The following MCC variants were observed in gnomAD, a reference collection of about 807,000 sequenced individuals.
The protein encoded by MCC is MCC regulator of Wnt signaling pathway, also known as colorectal mutant cancer protein.
In MCC, 90 loss-of-function variants were observed where a neutral mutation model predicts 116.2. The observed-to-expected ratio is 0.77, with a 90% CI of 0.65 to 0.92. The LOEUF is 0.92. MCC is among the 40% of genes least tolerant of loss of function. MCC has a pLI of 0.00. For synonymous variants in MCC, 578 were observed against 510.5 expected (o/e 1.13, Z -1.78); for missense variants, 1,516 against 1,312.2 (o/e 1.16, Z -2.40).
At chr5:113,301,740 G>T (rs1766867447) in intron 3 of MCC, among the ~76,000 whole-genome samples, 1 of 152,120 alleles carries the variant, frequency 6.6e-6, no homozygotes, top group Admixed American at 6.5e-5. Flanking sequence ...AAAAGCCTAG[G>T]GAAACAGGGC....
intron 6 of MCC, among the ~76,000 whole-genome samples, chr5:113,119,664 G>A (rs945298985): frequency 1.3e-5 from 2 of 151,890 alleles, no homozygotes; most frequent in African/African-American, 4.8e-5. Context: ...TTCATCCCCA[G>A]TACCTAGCAC....
chr5:113,182,056 G>A (rs1179778554), intron 3 of MCC, among the ~76,000 whole-genome samples: 1 of 152,180 alleles, frequency 6.6e-6, no homozygotes, highest in African/African-American at 2.4e-5. Flanking sequence ...GGTGGGTTTA[G>A]CTGGAAGCAT....
At chr5:113,448,256 C>T (rs1014771473) in intron 1 of MCC, 2 of 152,164 alleles carry the variant, frequency 1.3e-5, no homozygotes, top group African/African-American at 4.8e-5. Context: ...TCAGTCTTTG[C>T]CTCTCCATTC....
chr5:113,164,745 G>C (rs1760682988), intron 3 of MCC, among the ~76,000 whole-genome samples: 2 of 152,190 alleles, frequency 1.3e-5, no homozygotes, highest in South Asian at 2.1e-4. Flanking sequence ...CACACATTTT[G>C]AGATCCCATA....
chr5:113,315,824 G>T (rs1767266032), intron 3 of MCC, among the ~76,000 whole-genome samples: 1 of 151,890 alleles, frequency 6.6e-6, no homozygotes, highest in African/African-American at 2.4e-5. Context: ...GCTGCAGTGA[G>T]CCATGATCAC....
chr5:113,091,426 A>T (rs1165710908), intron 8 of MCC, among the ~76,000 whole-genome samples: 1 of 152,260 alleles, frequency 6.6e-6, no homozygotes, highest in African/African-American at 2.4e-5. Flanking sequence ...CAAGAGAGCC[A>T]GCAGTCTGAA....
chr5:113,105,374 C>G (rs1756669681), intron 6 of MCC, among the ~76,000 whole-genome samples: 2 of 152,216 alleles, frequency 1.3e-5, no homozygotes, highest in Admixed American at 6.5e-5. Context: ...ACTCTTGGCA[C>G]AACAGGAACA....
chr5:113,179,999 T>C (rs1246405229), intron 3 of MCC, among the ~76,000 whole-genome samples: 1 of 152,194 alleles, frequency 6.6e-6, no homozygotes, highest in Non-Finnish European at 1.5e-5. Flanking sequence ...TCAGACGATG[T>C]GCTAAATATG....
chr5:113,248,163 C>T (rs1764645719), intron 3 of MCC, among the ~76,000 whole-genome samples: 1 of 150,984 alleles, frequency 6.6e-6, no homozygotes, highest in African/African-American at 2.4e-5. Flanking sequence ...CCAAGAGTTC[C>T]AGGTTACAGT....
chr5:113,139,046 A>C (rs1759020783), intron 5 of MCC, among the ~76,000 whole-genome samples: 1 of 152,102 alleles, frequency 6.6e-6, no homozygotes, highest in Non-Finnish European at 1.5e-5. Context: ...CTGCCCATTT[A>C]TATCAGTTCT....
chr5:113,411,551 T>G (rs893990588), intron 1 of MCC, among the ~76,000 whole-genome samples: 2 of 147,838 alleles, frequency 1.4e-5, no homozygotes, highest in African/African-American at 2.6e-5. Flanking sequence ...TCTCTAAGTT[T>G]CAGGAGCGAT....
At chr5:113,198,542 A>T (rs953905225) in intron 3 of MCC, among the ~76,000 whole-genome samples, 3 of 134,218 alleles carry the variant, frequency 2.2e-5, no homozygotes, top group African/African-American at 1.1e-4. Flanking sequence ...AAATAATTAA[A>T]AAAAAAAAAA....
intron 3 of MCC, among the ~76,000 whole-genome samples, chr5:113,230,749 T>G (rs1461851261): frequency 1.3e-5 from 2 of 152,194 alleles, no homozygotes; most frequent in Non-Finnish European, 2.9e-5. Flanking sequence ...CCAGTGTCCA[T>G]TTTCACCTCA....
At chr5:113,406,505 G>C (rs1249549732) in intron 1 of MCC, among the ~76,000 whole-genome samples, 1 of 152,154 alleles carries the variant, frequency 6.6e-6, no homozygotes, top group East Asian at 1.9e-4. Context: ...AGGTGAAACT[G>C]TCCTGGTCCT....
intron 16 of MCC, among the ~76,000 whole-genome samples, 166 bp from the exon 17 acceptor site, chr5:113,043,796 G>C (rs1167305946): frequency 2.0e-5 from 3 of 152,252 alleles, no homozygotes; most frequent in Admixed American, 6.5e-5. Flanking sequence ...GCAAGCCAAA[G>C]AGGCCCCTCT....
At chr5:113,488,162 G>A (rs1169700197) in intron 1 of MCC, 83 bp downstream of exon 1, 19 of 1,348,530 alleles carry the variant, frequency 1.4e-5, no homozygotes, top group Non-Finnish European at 1.6e-5. Flanking sequence ...CCGCAAGTTG[G>A]GGCGAGGGGG....
At chr5:113,240,319 T>C (rs142007435) in intron 3 of MCC, among the ~76,000 whole-genome samples, 3 of 152,300 alleles carry the variant, frequency 2.0e-5, no homozygotes, top group East Asian at 3.9e-4. Flanking sequence ...CCTGGACTTA[T>C]ATGAGCTAAT....
chr5:113,170,914 G>T (rs1761039075), intron 3 of MCC, among the ~76,000 whole-genome samples: 1 of 152,100 alleles, frequency 6.6e-6, no homozygotes, highest in African/African-American at 2.4e-5. Flanking sequence ...TGAAGAGTGG[G>T]TGTTTGGCTC....
intron 3 of MCC, among the ~76,000 whole-genome samples, chr5:113,340,218 C>T (rs748346836): frequency 5.3e-5 from 8 of 152,170 alleles, no homozygotes; most frequent in Non-Finnish European, 1.2e-4. Flanking sequence ...ATGTCTAGAA[C>T]CATAGAAGTA....
Sources: allele counts gnomAD v4.1 joint callset (sites outside exome capture counted in the v4.1 genomes callset), GRCh38; gene constraint gnomAD v4.1.1; transcripts MANE v1.5; gene names NCBI Gene and HGNC (gene_info 2026-07-23, HGNC 2026-07-21).